Variants in SEPTIN4 observed in about 807,000 individuals in gnomAD.
SEPTIN4 encodes septin-4.
In SEPTIN4, 52 loss-of-function variants were observed where a neutral mutation model predicts 107.1. The observed-to-expected ratio is 0.49, with a 90% CI of 0.39 to 0.61. SEPTIN4 has a LOEUF of 0.61. Ranked by LOEUF, SEPTIN4 falls within the 20% of genes least tolerant of loss-of-function variation. The pLI is 0.00. For missense variants in SEPTIN4, 1,048 were observed against 1,243.5 expected (o/e 0.84, Z 2.36); for synonymous variants, 417 against 467.0 (o/e 0.89, Z 1.38).
In SEPTIN4 at chr17:58,540,680, TA is replaced by T; in HGVS notation, c.1607-8del. The T allele has an allele frequency of 7.4e-7, 1 of 1,354,064 alleles. No homozygotes were observed. The highest frequency in any genetic ancestry group is 9.5e-7 in the Non-Finnish European group (1 of 1,057,986). 83.9% of individuals were successfully genotyped at this position (1,354,064 alleles called of 1,614,324 possible). A position where few individuals can be genotyped will look rare whatever the true frequency, so the allele number is the denominator to read the frequency against. On this transcript the variant is annotated splice_polypyrimidine_tract_variant and splice_region_variant and intron_variant, in intron 2 of 13. Coordinates refer to ENST00000672673, the MANE Select transcript of SEPTIN4 (RefSeq NM_001368771.2). The stretch of plus-strand genomic sequence containing the variant: ...GGCATTCTTACCTCCTCATCTGTCA[TA>T]ACAGAGTAGAAGCCAGGCATTCCCA...
chr17:58,521,194 T>C lies in SEPTIN4; in HGVS notation c.2669-34A>G, dbSNP rs990889743. 3.1e-6 allele frequency: 5 copies of C among 1,614,006 alleles called. No homozygotes were observed. Among genetic ancestry groups the C allele is most frequent in the Non-Finnish European group, 3.4e-6 (4 of 1,179,996 alleles). On this transcript the variant is annotated intron_variant, in intron 11 of 13. Transcript: ENST00000672673. This position sits in a 1 kb window ranked among gnomAD's most constrained non-coding sequence, Gnocchi z 6.4. Reference sequence around the variant, plus strand: ...CAAGGCTAGGGGTCAGCCAGAGGCATAGGTAGGGGAGAGCCACTGAGGGCA... The same window carrying C: ...CAAGGCTAGGGGTCAGCCAGAGGCACAGGTAGGGGAGAGCCACTGAGGGCA...
At chr17:58,525,225 C>G (rs1319365195) in intron 6 of SEPTIN4, 24 bp from the exon 7 acceptor site, 1 of 1,611,868 alleles carries the variant, frequency 6.2e-7, no homozygotes, top group Non-Finnish European at 8.5e-7. Context: ...AAACTGAGGC[C>G]AGGGCAAGGG....
At chr17:58,539,336 A>G in intron 3 of SEPTIN4, 1 of 556,106 alleles carries the variant, frequency 1.8e-6, no homozygotes, top group South Asian at 2.4e-5. Flanking sequence ...AACAGGGAGG[A>G]GCCTGCTCAG....
chr17:58,541,627 T>G (rs1024937929), intron 2 of SEPTIN4: 138 of 709,118 alleles, frequency 1.9e-4, no homozygotes, highest in Admixed American at 7.0e-4. Context: ...TAAAATCATG[T>G]GATAGATGAC....
In SEPTIN4 at chr17:58,520,479, G is replaced by A. The variant is rs370065221; in HGVS notation, c.2938C>T (p.Arg980Trp). 36 of 1,613,488 alleles carry A rather than the reference G, an allele frequency of 2.2e-5. No individual in the cohort carries two copies. The highest frequency in any genetic ancestry group is 2.9e-5 in the Non-Finnish European group (34 of 1,179,998). Residue 980 changes from arginine to tryptophan, a missense_variant, in exon 14 of 14, where the codon CGG becomes TGG. Transcript: ENST00000672673. ...ATTTTGTGTAGCATCTCCTGCATCC[G>A]CCGCAGCTGGAATAGGCACAGGCAT... Reference protein sequence around the residue: ...LIREKDEELRRMQEMLHKIQK... With the variant: ...LIREKDEELRWMQEMLHKIQK...
intron 3 of SEPTIN4, among the ~76,000 whole-genome samples, chr17:58,537,057 G>A (rs1436616153): frequency 1.3e-5 from 2 of 152,228 alleles, no homozygotes; most frequent in Non-Finnish European, 2.9e-5. Flanking sequence ...CAATGGATGT[G>A]GCAGATTCTT....
chr17:58,531,778 G>T, intron 3 of SEPTIN4: 1 of 450,520 alleles, frequency 2.2e-6, no homozygotes, highest in Non-Finnish European at 3.1e-6. Flanking sequence ...GGAAAAACTT[G>T]GGAGCAGCGA....
At chr17:58,529,139 G>T in intron 3 of SEPTIN4, 1 of 1,614,182 alleles carries the variant, frequency 6.2e-7, no homozygotes, top group Non-Finnish European at 8.5e-7. Flanking sequence ...TGTCCTCAGG[G>T]ACAGAATTCC....
At chr17:58,530,301 G>A (rs1375585510) in intron 3 of SEPTIN4, 3 of 152,274 alleles carry the variant, frequency 2.0e-5, no homozygotes, top group Non-Finnish European at 2.9e-5. Context: ...AACCTGAGAA[G>A]AGAAGGTGCA....
Position 58,543,987 on chromosome 17 carries a change from T to C in SEPTIN4, c.200A>G (p.Tyr67Cys). ...HPTTPHSASDYPRSVSLQSGP... is the reference protein window; with the variant it reads ...HPTTPHSASDCPRSVSLQSGP... ...TGACTGGAGGGAGACAGATCGAGGG[T>C]AGTCTGATGCTGAATGGGGAGTGGT... Residue 67 changes from tyrosine to cysteine, a missense_variant, in exon 1 of 14, where the codon TAC becomes TGC. Around this residue, in one of 2 missense-constraint regions of SEPTIN4, gnomAD observed 787 missense variants for 871.8 expected, o/e 0.90. Coordinates refer to ENST00000672673, the MANE Select transcript of SEPTIN4 (RefSeq NM_001368771.2). 6.2e-7 allele frequency: 1 copy of C among 1,613,704 alleles called. No homozygotes were observed. The highest frequency in any genetic ancestry group is 8.5e-7 in the Non-Finnish European group (1 of 1,179,848).
intron 3 of SEPTIN4, among the ~76,000 whole-genome samples, chr17:58,534,653 C>A (rs1261025473): frequency 6.6e-6 from 1 of 152,252 alleles, no homozygotes; most frequent in Non-Finnish European, 1.5e-5. Flanking sequence ...TACAGTACAA[C>A]TCCCCAGGCA....
At chr17:58,534,990 C>T (rs1249564270) in intron 3 of SEPTIN4, among the ~76,000 whole-genome samples, 1 of 152,228 alleles carries the variant, frequency 6.6e-6, no homozygotes, top group Admixed American at 6.5e-5. Context: ...AGCTAAGTTT[C>T]CCTAAAGTGG....
intron 3 of SEPTIN4, among the ~76,000 whole-genome samples, chr17:58,539,877 T>A (rs1214558023): frequency 1.3e-5 from 2 of 152,288 alleles, no homozygotes; most frequent in Admixed American, 1.3e-4. Context: ...TAAGAACCCA[T>A]GGCAGTGGCA....
chr17:58,531,811 G>T, intron 3 of SEPTIN4: 1 of 728,544 alleles, frequency 1.4e-6, no homozygotes, highest in Non-Finnish European at 1.7e-6. Flanking sequence ...CGGCAGCAGT[G>T]CCAGCCTGTG....
chr17:58,524,854 G>A (rs2042672773), intron 7 of SEPTIN4: 1 of 550,972 alleles, frequency 1.8e-6, no homozygotes, highest in African/African-American at 1.9e-5. Context: ...CCCCATTATA[G>A]AATCATAGGG....
chr17:58,535,797 A>T (rs2043689809), intron 3 of SEPTIN4, among the ~76,000 whole-genome samples: 1 of 152,196 alleles, frequency 6.6e-6, no homozygotes, highest in South Asian at 2.1e-4. Flanking sequence ...ATGTGATGTG[A>T]TGTTTTTCTG....
intron 3 of SEPTIN4, among the ~76,000 whole-genome samples, chr17:58,528,948 G>A (rs1015429741): frequency 2.6e-5 from 4 of 152,284 alleles, no homozygotes; most frequent in African/African-American, 9.6e-5. Flanking sequence ...GGGGCCACAG[G>A]GGCTCTAGAC....
At chr17:58,524,598 G>A (rs915117184) in intron 7 of SEPTIN4, 6 of 129,708 alleles carry the variant, frequency 4.6e-5, no homozygotes, top group African/African-American at 1.2e-4. Context: ...GGAAGGTTTC[G>A]CTTTGTCTTC....
In SEPTIN4 at chr17:58,543,144, T is replaced by C; in HGVS notation, c.1043A>G (p.His348Arg). Reference protein sequence around the residue: ...SPGVQSVEPTHHVTVPSVSEG... With the variant: ...SPGVQSVEPTRHVTVPSVSEG... ...AGACACTGATGGAACTGTCACATGG[T>C]GAGTTGGCTCTACTGACTGTACCCC... Residue 348 changes from histidine (H) to arginine (R), a missense_variant, in exon 1 of 14, where the codon CAC becomes CGC. Physicochemically the swap from His to Arg is conservative, Grantham distance 29 (BLOSUM62 0). This residue lies in a region of SEPTIN4 where 787 missense variants were observed against 871.8 expected (regional missense o/e 0.90). Transcript: ENST00000672673. 1 of 1,612,504 alleles carries C rather than the reference T, an allele frequency of 6.2e-7. No homozygotes were observed. The highest frequency in any genetic ancestry group is 8.5e-7 in the Non-Finnish European group (1 of 1,178,842).
Sources: gnomAD v4.1 joint callset for allele counts (sites outside exome capture counted in the v4.1 genomes callset) on GRCh38, gnomAD v4.1.1 for gene constraint, gnomAD v4.1.1 regional missense constraint, Gnocchi (gnomAD v3.1) non-coding constraint, MANE v1.5 for transcripts, NCBI Gene and HGNC (gene_info 2026-07-23, HGNC 2026-07-21) for gene names.